The following CLIP4 variants were observed in gnomAD, a reference collection of about 807,000 sequenced individuals.
CLIP4 encodes CAP-Gly domain-containing linker protein 4.
CLIP4 carries 47 observed loss-of-function variants against 73.1 expected under a neutral mutation model. The observed-to-expected ratio is 0.64, with a 90% confidence interval of 0.51 to 0.82. The LOEUF (loss-of-function observed/expected upper bound fraction) is 0.82, where lower values mean the gene tolerates loss of function less well. Ranked by LOEUF, CLIP4 falls within the 40% of genes least tolerant of loss-of-function variation. CLIP4 has a pLI of 0.00. For synonymous variants in CLIP4, 306 were observed against 295.4 expected, an observed-to-expected ratio of 1.04 and a Z score of -0.37; for missense variants, 874 against 852.9, an observed-to-expected ratio of 1.02 and a Z score of -0.31.
Position 29,168,588 on chromosome 2 carries a change from T to A in CLIP4, c.1723+1048T>A, listed in dbSNP as rs549588161. ...CCCAGGCTGGAGTGCAGTGGTGCGATCTTGGCTCACCGCAAGCTCCGCCTC... is the reference window on the plus strand; with the variant it reads ...CCCAGGCTGGAGTGCAGTGGTGCGAACTTGGCTCACCGCAAGCTCCGCCTC... On this transcript the variant is annotated intron_variant, in intron 14 of 15. Coordinates refer to ENST00000320081, the MANE Select transcript of CLIP4 (RefSeq NM_024692.6). Among the ~76,000 whole-genome samples, 21 of 146,740 alleles carry A rather than the reference T, an allele frequency of 1.4e-4. No homozygotes were observed. The South Asian group carries it at 4.7e-3, about 33-fold the overall frequency.
At chr2:29,119,409 G>T (rs990845527) in intron 1 of CLIP4, among the ~76,000 whole-genome samples, 1 of 151,866 alleles carries the variant, frequency 6.6e-6, no homozygotes, top group South Asian at 2.1e-4. Context: ...TTTTTGAATG[G>T]GAGACTCCAC....
intron 2 of CLIP4, among the ~76,000 whole-genome samples, chr2:29,123,993 CTTA>C (rs1006258221): frequency 6.6e-6 from 1 of 152,084 alleles, no homozygotes; most frequent in African/African-American, 2.4e-5. Flanking sequence ...ACCAAAATAC[CTTA>C]TTATATATTT....
chr2:29,180,058 T>C (rs1312895954), intron 15 of CLIP4, among the ~76,000 whole-genome samples: 1 of 151,554 alleles, frequency 6.6e-6, no homozygotes, highest in Non-Finnish European at 1.5e-5. Context: ...AAATGAAATA[T>C]GAAATAAGTA....
At chr2:29,140,713 C>T (rs895791779) in intron 6 of CLIP4, among the ~76,000 whole-genome samples, 1 of 152,138 alleles carries the variant, frequency 6.6e-6, no homozygotes, top group African/African-American at 2.4e-5. Context: ...AAAAGTGTTC[C>T]TGTTTCTCCA....
rs756999943 is a variant in CLIP4 at position 29,181,832 on chromosome 2, G to T, written c.2057G>T (p.Arg686Leu). ...AAGCCGAACCATGGAGTCTTAGTTC[G>T]ACCGAGCAGAGTGACCTATCGGGGA... is the stretch of plus-strand genomic sequence containing the variant. Reference protein sequence around the residue: ...TCKPNHGVLVRPSRVTYRGIN... With the variant: ...TCKPNHGVLVLPSRVTYRGIN... The change falls in exon 16 of 16, where the codon CGA becomes CTA. Residue 686 changes from arginine to leucine, a missense_variant. By Grantham distance (102) the Arg-to-Leu change is moderately radical. Coordinates refer to ENST00000320081, the MANE Select transcript of CLIP4 (RefSeq NM_024692.6). The T allele has an allele frequency of 1.2e-6, 2 of 1,614,136 alleles. No homozygotes were observed. Among genetic ancestry groups the T allele is most frequent in the Admixed American group, 3.3e-5 (2 of 60,026 alleles).
intron 14 of CLIP4, among the ~76,000 whole-genome samples, chr2:29,173,510 A>G (rs562776818): frequency 1.2e-4 from 19 of 152,298 alleles, no homozygotes; most frequent in African/African-American, 4.3e-4. Context: ...GGTTCTCTGG[A>G]ATTCAGCGGA....
chr2:29,141,479 A>T (rs1359472787), intron 6 of CLIP4, among the ~76,000 whole-genome samples: 1 of 152,192 alleles, frequency 6.6e-6, no homozygotes, highest in Non-Finnish European at 1.5e-5. Flanking sequence ...GTCTAGTAGT[A>T]ATTGCTTTAT....
chr2:29,167,417 C>T (rs1667692742), intron 13 of CLIP4, 59 bp from the exon 14 acceptor site: 3 of 1,198,212 alleles, frequency 2.5e-6, no homozygotes, highest in African/African-American at 3.1e-5. Flanking sequence ...TAGTTGATAA[C>T]CAGTCTTAAA....
chr2:29,120,573 AG>A (rs1664187316), intron 1 of CLIP4, among the ~76,000 whole-genome samples: 1 of 152,212 alleles, frequency 6.6e-6, no homozygotes. Context: ...TTTTAAAAAC[AG>A]GAATTCATGA....
In CLIP4 at chr2:29,143,754, G is replaced by C; in HGVS notation, c.694G>C (p.Asp232His). The C allele has an allele frequency of 1.9e-6, 3 of 1,614,084 alleles. No individual in the cohort carries two copies. Among genetic ancestry groups the C allele is most frequent in the Non-Finnish European group, 2.5e-6 (3 of 1,179,930 alleles). The change falls in exon 7 of 16, where the codon GAT (aspartate) becomes CAT (histidine). Residue 232 changes from aspartate to histidine, a missense_variant. Coordinates refer to ENST00000320081, the MANE Select transcript of CLIP4 (RefSeq NM_024692.6). ...TGCTGATGTTGTTCCAGACCCAGTA[G>C]ATATGCCGTTAGAGATGGCTGACGC... ...IPADVVPDPV[D>H]MPLEMADAAA...
intron 2 of CLIP4, among the ~76,000 whole-genome samples, chr2:29,122,907 C>T (rs901614143): frequency 2.0e-5 from 3 of 151,190 alleles, no homozygotes; most frequent in Non-Finnish European, 4.4e-5. Flanking sequence ...TTTCCCCACT[C>T]ACCTCCCTGT....
At chr2:29,131,524 T>C in intron 3 of CLIP4, 127 bp downstream of exon 3, 2 of 993,560 alleles carry the variant, frequency 2.0e-6, no homozygotes, top group Non-Finnish European at 2.9e-6. Context: ...TTTATTTGTA[T>C]TTCCAGGATT....
chr2:29,123,594 A>C (rs1664406459), intron 2 of CLIP4, among the ~76,000 whole-genome samples: 1 of 152,178 alleles, frequency 6.6e-6, no homozygotes, highest in South Asian at 2.1e-4. Context: ...CCAGGAAGGA[A>C]AACAGAAAAC....
At chr2:29,136,536 A>G (rs993300800) in intron 6 of CLIP4, among the ~76,000 whole-genome samples, 2 of 151,530 alleles carry the variant, frequency 1.3e-5, no homozygotes, top group African/African-American at 4.8e-5. Context: ...AATGTCTTGC[A>G]GAGGGGAGGT....
chr2:29,157,500 C>G, intron 11 of CLIP4, 153 bp downstream of exon 11: 3 of 1,121,450 alleles, frequency 2.7e-6, no homozygotes, highest in Non-Finnish European at 3.9e-6. Flanking sequence ...GAACCTTAAG[C>G]CTTAAGGTCT....
intron 1 of CLIP4, among the ~76,000 whole-genome samples, chr2:29,099,890 AT>A: frequency 6.6e-6 from 1 of 152,162 alleles, no homozygotes; most frequent in South Asian, 2.1e-4. Context: ...CCTTATATAC[AT>A]TTTGTACATA....
In CLIP4 at chr2:29,181,630, G is replaced by A. The variant is rs754454518; in HGVS notation, c.1855G>A (p.Gly619Arg). Residue 619 changes from glycine to arginine, a missense_variant, in exon 16 of 16, where the codon GGG becomes AGG. Physicochemically the swap from Gly to Arg is moderately radical, Grantham distance 125. Transcript: ENST00000320081. ...SSTPTAGGIEGSVKLHEGSQV... is the reference protein window; with the variant it reads ...SSTPTAGGIERSVKLHEGSQV... Reference sequence around the variant, plus strand: ...CACCCCCACCGCAGGTGGCATTGAAGGGAGCGTGAAGCTGCACGAGGGGTC... The same window carrying A: ...CACCCCCACCGCAGGTGGCATTGAAAGGAGCGTGAAGCTGCACGAGGGGTC... 6.2e-6 allele frequency: 10 copies of A among 1,613,992 alleles called. No homozygotes were observed. In the South Asian group the frequency reaches 1.1e-4, roughly 18 times the overall value.
chr2:29,105,440 G>C (rs1464783853), intron 1 of CLIP4, among the ~76,000 whole-genome samples: 2 of 152,190 alleles, frequency 1.3e-5, no homozygotes, highest in Non-Finnish European at 2.9e-5. Flanking sequence ...AGGTTAGGCA[G>C]GAGTTTCCAT....
At chr2:29,102,283 G>A (rs1668072223) in intron 1 of CLIP4, among the ~76,000 whole-genome samples, 1 of 152,242 alleles carries the variant, frequency 6.6e-6, no homozygotes, top group Non-Finnish European at 1.5e-5. Flanking sequence ...ACATGGAATT[G>A]CTTATTCAGG....
Sources: allele counts gnomAD v4.1 joint callset (sites outside exome capture counted in the v4.1 genomes callset), GRCh38; gene constraint gnomAD v4.1.1; transcripts MANE v1.5; gene names NCBI Gene and HGNC (gene_info 2026-07-23, HGNC 2026-07-21).